Variants in GPR26 observed in about 807,000 individuals in gnomAD.
GPR26 encodes G protein-coupled receptor 26.
In GPR26, 15 loss-of-function variants were observed where a neutral mutation model predicts 23.1. The observed-to-expected ratio is 0.65, with a 90% CI of 0.43 to 1.00. The LOEUF is 1.00. GPR26 is among the 50% of genes least tolerant of loss of function. GPR26 has a pLI of 0.00. For missense variants in GPR26, 359 were observed against 470.5 expected (o/e 0.76, Z 2.19); for synonymous variants, 228 against 222.1 (o/e 1.03, Z -0.24).
At chr10:123,675,679 C>T (rs975920970) in intron 2 of GPR26, among the ~76,000 whole-genome samples, 2 of 152,106 alleles carry the variant, frequency 1.3e-5, no homozygotes. Flanking sequence ...CAGAACTTTG[C>T]ATCTAAAGGG....
At chr10:123,677,423 G>A (rs540607265) in intron 2 of GPR26, among the ~76,000 whole-genome samples, 3 of 152,210 alleles carry the variant, frequency 2.0e-5, no homozygotes, top group African/African-American at 4.8e-5. Flanking sequence ...GAACCCCGCC[G>A]GGCCCCACTG....
chr10:123,674,143 A>C lies in GPR26; in HGVS notation c.669-675A>C. ...TGGCTAATTTTTGTATTTTTGGTAC[A>C]GGCGAGGTTTCACCACGTTGGCCAG... is the stretch of plus-strand genomic sequence containing the variant. On this transcript the variant is annotated intron_variant, in intron 1 of 2. Transcript: ENST00000284674. This position sits in a 1 kb window ranked among gnomAD's most constrained non-coding sequence, Gnocchi z 4.1. 6.6e-6 allele frequency among the ~76,000 whole-genome samples: 1 copy of C among 152,158 alleles called. No individual in the cohort carries two copies. The highest frequency in any genetic ancestry group is 1.5e-5 in the Non-Finnish European group (1 of 68,028).
rs1441318614 is a variant in GPR26 at position 123,692,991 on chromosome 10, C to T, written c.*4831C>T. On this transcript the variant is annotated 3_prime_UTR_variant, in exon 3 of 3. Transcript: ENST00000284674. ...TCTCAGAGGGACAAAACTGATCTCT[C>T]CATGAAATCCCCTGCACCTCACTCT... The T allele has an allele frequency of 6.6e-6, 1 of 152,168 alleles. No homozygotes were observed. The highest frequency in any genetic ancestry group is 1.5e-5 in the Non-Finnish European group (1 of 68,036). 9.4% of individuals were successfully genotyped at this position (152,168 alleles called of 1,614,324 possible).
intron 1 of GPR26, among the ~76,000 whole-genome samples, chr10:123,670,190 G>A (rs12261064): frequency 0.072 from 10,954 of 152,284 alleles, 521 homozygotes; most frequent in African/African-American, 0.13. Context: ...TGTCCTCTGT[G>A]TCCTGTGAGC....
rs982891299 is a variant in GPR26 at position 123,680,803 on chromosome 10, T to G, written c.782+5872T>G. Among the ~76,000 whole-genome samples, 155 of 74,600 alleles carry G rather than the reference T, an allele frequency of 2.1e-3. 4 individuals are homozygous for G. The highest frequency in any genetic ancestry group is 8.0e-3 in the African/African-American group (145 of 18,198). The allele number at this position is 74,600 out of a possible 152,430, so 48.9% of individuals were successfully genotyped here. A position where few individuals can be genotyped will look rare whatever the true frequency, so the allele number is the denominator to read the frequency against. On this transcript the variant is annotated intron_variant, in intron 2 of 2. Coordinates refer to ENST00000284674, the MANE Select transcript of GPR26 (RefSeq NM_153442.4). ...GCACCTAGTTAACATTCTCTTGGGT[T>G]TTTTTTGTTTTGTTTTGTTTTTTTG...
chr10:123,674,943 T>C lies in GPR26; in HGVS notation c.782+12T>C, dbSNP rs755020820. On this transcript the variant is annotated intron_variant, in intron 2 of 2. Transcript: ENST00000284674. This position sits in a 1 kb window ranked among gnomAD's most constrained non-coding sequence, Gnocchi z 4.1. ...TATGTGATCACCAGGTGAGCCTGAT[T>C]GGCAGGTGTGTCTTGGGACTTTGAA... 6.6e-7 allele frequency: 1 copy of C among 1,524,342 alleles called. No homozygotes were observed. The allele number at this position is 1,524,342 out of a possible 1,614,324, so 94.4% of individuals were successfully genotyped here.
rs1845454862 is a variant in GPR26, at chr10:123,688,441, G to A, written c.*281G>A. ...TCCTGGACTCACCTGAGGCTCCCTGGGGGATGACACTCAGTTCTGTCACTG... is the reference window on the plus strand; with the variant it reads ...TCCTGGACTCACCTGAGGCTCCCTGAGGGATGACACTCAGTTCTGTCACTG... On this transcript the variant is annotated 3_prime_UTR_variant, in exon 3 of 3. Coordinates refer to ENST00000284674, the MANE Select transcript of GPR26 (RefSeq NM_153442.4). 2 of 442,666 alleles carry A rather than the reference G, an allele frequency of 4.5e-6. No individual in the cohort carries two copies. The highest frequency in any genetic ancestry group is 8.4e-6 in the Non-Finnish European group (2 of 239,468). The allele number at this position is 442,666 out of a possible 1,614,324, so 27.4% of individuals were successfully genotyped here. A position where few individuals can be genotyped will look rare whatever the true frequency, so the allele number is the denominator to read the frequency against.
chr10:123,670,473 A>G (rs891905181), intron 1 of GPR26, among the ~76,000 whole-genome samples: 7 of 152,332 alleles, frequency 4.6e-5, no homozygotes, highest in Middle Eastern at 3.4e-3. Flanking sequence ...GATGTTCTAT[A>G]TTCAGCTTAC....
intron 2 of GPR26, among the ~76,000 whole-genome samples, chr10:123,683,614 G>T (rs1293139794): frequency 6.6e-6 from 1 of 152,180 alleles, no homozygotes; most frequent in East Asian, 1.9e-4. Context: ...GGAATGTGAG[G>T]TCCCCATGGG....
rs555676165 is a variant in GPR26 at position 123,681,117 on chromosome 10, G to A, written c.782+6186G>A. Among the ~76,000 whole-genome samples the A allele has an allele frequency of 5.3e-5, 8 of 152,170 alleles. No individual in the cohort carries two copies. In the South Asian group the frequency reaches 1.7e-3, roughly 32 times the overall value. On this transcript the variant is annotated intron_variant, in intron 2 of 2. Coordinates refer to ENST00000284674, the MANE Select transcript of GPR26 (RefSeq NM_153442.4). Reference sequence around the variant, plus strand: ...GCCTCCCAAAGTACTGGGATGACAGGCATGAGCCACCATGCCTGGCGCTAA... The same window carrying A: ...GCCTCCCAAAGTACTGGGATGACAGACATGAGCCACCATGCCTGGCGCTAA...
In GPR26 at chr10:123,690,288, C is replaced by T. The variant is rs1845477896; in HGVS notation, c.*2128C>T. The T allele has an allele frequency of 6.6e-6, 1 of 152,174 alleles. No individual in the cohort carries two copies. Among genetic ancestry groups the T allele is most frequent in the African/African-American group, 2.4e-5 (1 of 41,432 alleles). The allele number at this position is 152,174 out of a possible 1,614,324, so 9.4% of individuals were successfully genotyped here. A position where few individuals can be genotyped will look rare whatever the true frequency, so the allele number is the denominator to read the frequency against. On this transcript the variant is annotated 3_prime_UTR_variant, in exon 3 of 3. Transcript: ENST00000284674. ...CAGCTGAATTGGAGGAGAGTAGCTC[C>T]CTTCTCACACAAACGCTTTCAAAGT...
chr10:123,667,448 C>T (rs565987515), intron 1 of GPR26, among the ~76,000 whole-genome samples: 4 of 152,146 alleles, frequency 2.6e-5, no homozygotes, highest in Admixed American at 2.6e-4. Flanking sequence ...TGATTCTGGC[C>T]GAGAGGGCGG....
chr10:123,695,642 C>T lies in GPR26; in HGVS notation c.*7482C>T, dbSNP rs1164620112. Among the ~76,000 whole-genome samples the T allele has an allele frequency of 6.6e-6, 1 of 152,160 alleles. No homozygotes were observed. The highest frequency in any genetic ancestry group is 1.9e-4 in the East Asian group (1 of 5,182). On this transcript the variant is annotated 3_prime_UTR_variant, in exon 3 of 3. Transcript: ENST00000284674. ...TTTCCTAAGGACCAGACCATAGTGA[C>T]TGCTCATGCATCGGCTGAAATACCA...
chr10:123,673,340 C>G (rs780618361), intron 1 of GPR26, among the ~76,000 whole-genome samples: 1 of 152,122 alleles, frequency 6.6e-6, no homozygotes, highest in Non-Finnish European at 1.5e-5. Context: ...CTGGCATTAG[C>G]GATGTACATG....
rs1276630544 is a variant in GPR26, at chr10:123,695,978, C to T, written c.*7818C>T. Among the ~76,000 whole-genome samples, 2 of 152,142 alleles carry T rather than the reference C, an allele frequency of 1.3e-5. No individual in the cohort carries two copies. Among genetic ancestry groups the T allele is most frequent in the East Asian group, 3.9e-4 (2 of 5,186 alleles). On this transcript the variant is annotated 3_prime_UTR_variant, in exon 3 of 3. Transcript: ENST00000284674. ...CAGCACAAATTAAAAAGGTGCCTTG[C>T]CTGATGCCCATTACCACCTGGGGTG...
Position 123,687,921 on chromosome 10 carries a change from C to T in GPR26, c.783-8C>T. ...GTCCTCATTAACAGCTTCCCTGTCT[C>T]TCCACAGGCTAGTGGAGCTCTTCTC... On this transcript the variant is annotated splice_polypyrimidine_tract_variant and splice_region_variant and intron_variant, in intron 2 of 2. Transcript: ENST00000284674. 6.3e-7 allele frequency: 1 copy of T among 1,585,278 alleles called. No individual in the cohort carries two copies. The highest frequency in any genetic ancestry group is 8.7e-7 in the Non-Finnish European group (1 of 1,154,120).
intron 2 of GPR26, among the ~76,000 whole-genome samples, chr10:123,675,293 C>G (rs1365737378): frequency 6.6e-6 from 1 of 152,006 alleles, no homozygotes; most frequent in East Asian, 1.9e-4. Flanking sequence ...CTCCCCACAT[C>G]CTGCTTTACT....
chr10:123,667,561 C>CTGTGTGTGTGTGTGTGTGTG (rs71026066), intron 1 of GPR26, among the ~76,000 whole-genome samples: 2 of 124,998 alleles, frequency 1.6e-5, no homozygotes, highest in Non-Finnish European at 3.3e-5. Context: ...TGTCTCACGA[C>CTGTGTGTGTGTGTGTGTGTG]TGTGTGTGTG....
Position 123,674,593 on chromosome 10 carries a change from A to C in GPR26, c.669-225A>C, listed in dbSNP as rs1845285937. Among the ~76,000 whole-genome samples the C allele has an allele frequency of 6.6e-6, 1 of 152,242 alleles. No homozygotes were observed. Among genetic ancestry groups the C allele is most frequent in the African/African-American group, 2.4e-5 (1 of 41,458 alleles). Reference sequence around the variant, plus strand: ...ATTACATTATGTGTAATACACTAAAATATATGATGCATATTATTATTTTAC... The same window carrying C: ...ATTACATTATGTGTAATACACTAAACTATATGATGCATATTATTATTTTAC... On this transcript the variant is annotated intron_variant, in intron 1 of 2. Transcript: ENST00000284674. The surrounding 1 kb of genome is among the most constrained non-coding windows in gnomAD (Gnocchi z 4.1).
Sources: allele counts gnomAD v4.1 joint callset (sites outside exome capture counted in the v4.1 genomes callset), GRCh38; gene constraint gnomAD v4.1.1; non-coding constraint Gnocchi (gnomAD v3.1); transcripts MANE v1.5; gene names NCBI Gene and HGNC (gene_info 2026-07-23, HGNC 2026-07-21).